The following CNOT8 variants were observed in gnomAD, a reference collection of about 807,000 sequenced individuals.
The protein encoded by CNOT8 is CCR4-NOT transcription complex subunit 8, also known as CAF1-like protein.
In CNOT8, 18 loss-of-function variants were observed where a neutral mutation model predicts 34.6. The observed-to-expected ratio is 0.52, with a 90% confidence interval of 0.36 to 0.77. The LOEUF is 0.77. CNOT8 is among the 30% of genes least tolerant of loss of function. The pLI, the probability that CNOT8 is intolerant of heterozygous loss-of-function variation, is 0.00. For synonymous variants in CNOT8, 101 were observed against 118.8 expected (o/e 0.85, Z 0.98); for missense variants, 189 against 347.9 (o/e 0.54, Z 3.63).
chr5:154,872,003 A>C, intron 5 of CNOT8, 129 bp downstream of exon 5: 1 of 736,490 alleles, frequency 1.4e-6, no homozygotes, highest in Non-Finnish European at 2.2e-6. Context: ...GACAGGGTAT[A>C]ATATAAAGCT....
chr5:154,875,473 A>T lies in CNOT8; in HGVS notation c.*34A>T. On this transcript the variant is annotated 3_prime_UTR_variant, in exon 7 of 7. Coordinates refer to ENST00000285896, the MANE Select transcript of CNOT8 (RefSeq NM_001301073.2). ...GGCTCTGCAGGGTGGGCCTGATCCC[A>T]GAGTGGTGCTTACTGTGCTGACTGT... 6.2e-7 allele frequency: 1 copy of T among 1,609,594 alleles called. No individual in the cohort carries two copies. Among genetic ancestry groups the T allele is most frequent in the Non-Finnish European group, 8.5e-7 (1 of 1,178,778 alleles).
chr5:154,874,960 A>G (rs947370577), intron 6 of CNOT8, among the ~76,000 whole-genome samples: 1 of 151,784 alleles, frequency 6.6e-6, no homozygotes, highest in Non-Finnish European at 1.5e-5. Flanking sequence ...TATGTTGCCC[A>G]GGCTGGAGTG....
chr5:154,865,452 G>A, intron 3 of CNOT8, 67 bp downstream of exon 3: 1 of 1,165,416 alleles, frequency 8.6e-7, no homozygotes, highest in Non-Finnish European at 1.2e-6. Context: ...GTGGGTGTTG[G>A]ATAGAGCGGT....
intron 1 of CNOT8, among the ~76,000 whole-genome samples, chr5:154,860,983 A>C (rs1761284332): frequency 6.6e-6 from 1 of 152,146 alleles, no homozygotes; most frequent in Admixed American, 6.5e-5. Flanking sequence ...GGAGTGATAC[A>C]CCCACTTCCT....
In CNOT8 at chr5:154,875,402, T is replaced by C. The variant is rs749950840; in HGVS notation, c.842T>C (p.Met281Thr). 6.2e-7 allele frequency: 1 copy of C among 1,613,986 alleles called. No individual in the cohort carries two copies. The highest frequency in any genetic ancestry group is 8.5e-7 in the Non-Finnish European group (1 of 1,180,014). ...NEDVDSAQEK[M>T]SILAIINNMQ... ...GATGTGGACTCTGCCCAGGAGAAGA[T>C]GAGCATCCTGGCGATTATCAACAAC... The change falls in exon 7 of 7, where the codon ATG becomes ACG. Residue 281 changes from methionine (M) to threonine (T), a missense_variant. By Grantham distance (81) the Met-to-Thr change is moderately conservative. Coordinates refer to ENST00000285896, the MANE Select transcript of CNOT8 (RefSeq NM_001301073.2).
intron 1 of CNOT8, among the ~76,000 whole-genome samples, chr5:154,862,421 G>A (rs555759730): frequency 1.3e-4 from 19 of 151,930 alleles, no homozygotes; most frequent in African/African-American, 4.6e-4. Flanking sequence ...AGTGAGCCAA[G>A]AGTGCACCAC....
At chr5:154,863,508 C>T (rs1761557598) in intron 2 of CNOT8, 113 bp downstream of exon 2, 1 of 762,200 alleles carries the variant, frequency 1.3e-6, no homozygotes. Context: ...TAGCTCACTG[C>T]AGCCTTGAAC....
At chr5:154,866,310 C>T (rs1052045286) in intron 3 of CNOT8, among the ~76,000 whole-genome samples, 6 of 152,108 alleles carry the variant, frequency 3.9e-5, no homozygotes, top group East Asian at 1.9e-4. Context: ...TACAGGTGCA[C>T]GCCACCATGC....
Position 154,863,357 on chromosome 5 carries a change from A to G in CNOT8, c.79A>G (p.Ile27Val). Residue 27 changes from isoleucine to valine, a missense_variant, in exon 2 of 7, where the codon ATC becomes GTC. This residue lies in a region of CNOT8 where 160 missense variants were observed against 321.9 expected (regional missense o/e 0.50). Coordinates refer to ENST00000285896, the MANE Select transcript of CNOT8 (RefSeq NM_001301073.2). ...ASNLEEEMRK[I>V]REIVLSYSYI... The stretch of plus-strand genomic sequence containing the variant: ...TAATCTAGAAGAAGAGATGAGGAAG[A>G]TCCGAGAAATCGTGCTCAGTTACAG... 6.2e-7 allele frequency: 1 copy of G among 1,614,010 alleles called. No individual in the cohort carries two copies. Among genetic ancestry groups the G allele is most frequent in the Non-Finnish European group, 8.5e-7 (1 of 1,179,856 alleles).
At chr5:154,864,719 T>G (rs1761700685) in intron 2 of CNOT8, among the ~76,000 whole-genome samples, 1 of 152,208 alleles carries the variant, frequency 6.6e-6, no homozygotes, top group African/African-American at 2.4e-5. Context: ...CTTCATGATT[T>G]TAGTGCTTCT....
At position 154,866,548 on chromosome 5, in the gene CNOT8, T is replaced by C. The variant is rs561017114; in HGVS notation, c.311+1163T>C. ...TGTAGTTTGTACCATAAAAATAATA[T>C]AATACAAGGAAGAAAAATGAGTTAT... is the stretch of plus-strand genomic sequence containing the variant. On this transcript the variant is annotated intron_variant, in intron 3 of 6. Coordinates refer to ENST00000285896, the MANE Select transcript of CNOT8 (RefSeq NM_001301073.2). Among the ~76,000 whole-genome samples, 126 of 152,296 alleles carry C rather than the reference T, an allele frequency of 8.3e-4. 1 individual carries two copies. Among genetic ancestry groups the C allele is most frequent in the Non-Finnish European group, 1.6e-3 (112 of 68,034 alleles).
intron 3 of CNOT8, among the ~76,000 whole-genome samples, chr5:154,867,990 G>A (rs1762062587): frequency 6.6e-6 from 1 of 152,120 alleles, no homozygotes; most frequent in South Asian, 2.1e-4. Flanking sequence ...AGGCTGGAGT[G>A]CAGTGGCACA....
intron 1 of CNOT8, chr5:154,859,081 G>A (rs1411243930): frequency 1.3e-5 from 2 of 152,170 alleles, no homozygotes; most frequent in African/African-American, 2.4e-5. Flanking sequence ...TAGATTAAGT[G>A]GCTTATGCAA....
intron 3 of CNOT8, among the ~76,000 whole-genome samples, chr5:154,869,454 TA>T (rs1422528706): frequency 7.6e-4 from 114 of 149,390 alleles, no homozygotes; most frequent in African/African-American, 2.7e-3. Flanking sequence ...TAAGTTTATT[TA>T]TTTTTTTGAG....
At chr5:154,872,972 T>C (rs112790085) in intron 6 of CNOT8, among the ~76,000 whole-genome samples, 4,784 of 152,274 alleles carry the variant, frequency 0.031, 248 homozygotes, top group African/African-American at 0.11. Context: ...TTTCGCCATG[T>C]TGGCCAGGCT....
Position 154,872,710 on chromosome 5 carries a change from A to T in CNOT8, c.729+59A>T. 7.3e-6 allele frequency: 7 copies of T among 952,926 alleles called. No individual in the cohort carries two copies. In the East Asian group the frequency reaches 1.8e-4, roughly 24 times the overall value. 59.0% of individuals were successfully genotyped at this position (952,926 alleles called of 1,614,324 possible). On this transcript the variant is annotated intron_variant, in intron 6 of 6. Transcript: ENST00000285896. ...GGCAGTAACTTGCTGAAGGCTAAGG[A>T]GGTAGTGGATGGTCTGTTATGTGGG...
At chr5:154,859,511 G>C (rs1761118899) in intron 1 of CNOT8, 1 of 152,216 alleles carries the variant, frequency 6.6e-6, no homozygotes, top group Non-Finnish European at 1.5e-5. Flanking sequence ...GGGAGGGTCA[G>C]AGGATCCTCT....
chr5:154,871,877 A>G lies in CNOT8; in HGVS notation c.618+3A>G. 6.2e-7 allele frequency: 1 copy of G among 1,606,850 alleles called. No homozygotes were observed. Among genetic ancestry groups the G allele is most frequent in the Non-Finnish European group, 8.5e-7 (1 of 1,177,226 alleles). ...TGAAGAGCTGCAAAAATCTTAAGGT[A>G]TATGATGTTTTTCTTAATACCAGTA... On this transcript the variant is annotated splice_donor_region_variant and intron_variant, in intron 5 of 6. Coordinates refer to ENST00000285896, the MANE Select transcript of CNOT8 (RefSeq NM_001301073.2).
chr5:154,865,899 C>T (rs1761818339), intron 3 of CNOT8, among the ~76,000 whole-genome samples: 1 of 152,020 alleles, frequency 6.6e-6, no homozygotes, highest in African/African-American at 2.4e-5. Flanking sequence ...ATGTATATAC[C>T]GCATTTTGTT....
Sources: gnomAD v4.1 joint callset for allele counts (sites outside exome capture counted in the v4.1 genomes callset) on GRCh38, gnomAD v4.1.1 for gene constraint, gnomAD v4.1.1 regional missense constraint, MANE v1.5 for transcripts, NCBI Gene and HGNC (gene_info 2026-07-23, HGNC 2026-07-21) for gene names.